Variants in DZANK1 observed in about 807,000 individuals in gnomAD.
DZANK1 encodes double zinc ribbon and ankyrin repeat-containing protein 1.
DZANK1 carries 91 observed loss-of-function variants against 94.5 expected under a neutral mutation model. That is an observed-to-expected ratio of 0.96 (90% CI 0.81 to 1.15). The LOEUF (loss-of-function observed/expected upper bound fraction) is 1.15, where lower values mean the gene tolerates loss of function less well. Among genes scored for constraint, DZANK1 ranks in the 50% most tolerant of loss-of-function variants. The pLI, the probability that DZANK1 is intolerant of heterozygous loss-of-function variation, is 0.00. For synonymous variants in DZANK1, 312 were observed against 325.3 expected, an observed-to-expected ratio of 0.96 and a Z score of 0.44; for missense variants, 903 against 916.4, an observed-to-expected ratio of 0.99 and a Z score of 0.19.
At chr20:18,439,650 C>T (rs55694441) in intron 8 of DZANK1, among the ~76,000 whole-genome samples, 17,088 of 152,184 alleles carry the variant, frequency 0.11, 1,265 homozygotes, top group Non-Finnish European at 0.18. Context: ...GCATCCCCCA[C>T]GATCATATCT....
intron 4 of DZANK1, chr20:18,454,526 A>G (rs1316362017): frequency 6.3e-6 from 1 of 159,128 alleles, no homozygotes; most frequent in Non-Finnish European, 1.4e-5. Flanking sequence ...AACTCCTTGA[A>G]TCTTTCTTAT....
intron 13 of DZANK1, among the ~76,000 whole-genome samples, chr20:18,411,037 A>C (rs1264427064): frequency 6.6e-6 from 1 of 152,234 alleles, no homozygotes; most frequent in East Asian, 1.9e-4. Flanking sequence ...ATAGCAGCAA[A>C]TGTTCACATT....
chr20:18,459,929 C>T (rs925598438), intron 3 of DZANK1, among the ~76,000 whole-genome samples: 3 of 152,140 alleles, frequency 2.0e-5, no homozygotes, highest in Non-Finnish European at 4.4e-5. Context: ...TATTAATATA[C>T]ATAACACTTC....
chr20:18,411,248 T>C (rs747792344), intron 13 of DZANK1, among the ~76,000 whole-genome samples: 179 of 152,150 alleles, frequency 1.2e-3, no homozygotes, highest in Admixed American at 2.1e-3. Context: ...GATAAACCTT[T>C]AGTAAGATTG....
intron 2 of DZANK1, among the ~76,000 whole-genome samples, chr20:18,461,347 T>A (rs1601197066): frequency 6.6e-6 from 1 of 152,046 alleles, no homozygotes; most frequent in East Asian, 1.9e-4. Flanking sequence ...TAAATTTAAA[T>A]TTTTTTAAAA....
exon 21 of DZANK1, chr20:18,384,320 A>G (rs36048101): frequency 0.47 from 675,686 of 1,428,256 alleles, 166,408 homozygotes; most frequent in Non-Finnish European, 0.51. Context: ...CAGCCTCCCA[A>G]AGTGCTGGGA....
chr20:18,405,527 G>A (rs1332199776), intron 13 of DZANK1, among the ~76,000 whole-genome samples: 2 of 151,876 alleles, frequency 1.3e-5, no homozygotes, highest in Non-Finnish European at 2.9e-5. Flanking sequence ...CAGAGAAATG[G>A]GACAGAAAAA....
intron 7 of DZANK1, among the ~76,000 whole-genome samples, chr20:18,444,351 A>G (rs1171806321): frequency 6.6e-6 from 1 of 152,222 alleles, no homozygotes; most frequent in Non-Finnish European, 1.5e-5. Context: ...AAAGCTCATG[A>G]AGTGTAATCT....
intron 10 of DZANK1, among the ~76,000 whole-genome samples, chr20:18,417,626 A>G (rs2057552050): frequency 6.6e-6 from 1 of 152,220 alleles, no homozygotes; most frequent in African/African-American, 2.4e-5. Flanking sequence ...TTTTCTGATG[A>G]AATTCAACAC....
rs559085704 is a variant in DZANK1, at chr20:18,463,477, C to A, written c.109+1773G>T. On this transcript the variant is annotated intron_variant, in intron 2 of 20. Transcript: ENST00000262547. ...AGGTAGGAAACCTGCACATGTACCC[C>A]CAAGCCTAAAATAAAAGTTGTAAAA... 8.0e-5 allele frequency among the ~76,000 whole-genome samples: 12 copies of A among 150,094 alleles called. No homozygotes were observed. In the South Asian group the frequency reaches 2.6e-3, roughly 32 times the overall value.
At chr20:18,410,798 A>C (rs1488190515) in intron 13 of DZANK1, among the ~76,000 whole-genome samples, 1 of 152,166 alleles carries the variant, frequency 6.6e-6, no homozygotes, top group African/African-American at 2.4e-5. Context: ...AAAACGTTTA[A>C]AAATTATCCA....
chr20:18,398,695 G>A lies in DZANK1; in HGVS notation c.1433-69C>T. On this transcript the variant is annotated intron_variant, in intron 13 of 20. Transcript: ENST00000262547. ...GACTAAGAAAGAAAAATGATAGCAT[G>A]GAACATATGTTCTTAGAGAGGTTAA... The A allele has an allele frequency of 2.8e-6, 4 of 1,429,544 alleles. No homozygotes were observed. The South Asian group carries it at 4.6e-5, about 16-fold the overall frequency. 88.6% of individuals were successfully genotyped at this position (1,429,544 alleles called of 1,614,324 possible). A position where few individuals can be genotyped will look rare whatever the true frequency, so the allele number is the denominator to read the frequency against.
At chr20:18,397,038 A>G (rs2056382446) in intron 14 of DZANK1, among the ~76,000 whole-genome samples, 1 of 152,196 alleles carries the variant, frequency 6.6e-6, no homozygotes, top group African/African-American at 2.4e-5. Context: ...CAGATAGTAA[A>G]TATTTTAGGT....
rs959867987 is a variant in DZANK1 at position 18,385,143 on chromosome 20, A to AC, written c.2019-54dup. On this transcript the variant is annotated intron_variant, in intron 19 of 20. Coordinates refer to ENST00000262547, the Ensembl canonical transcript of DZANK1. The stretch of plus-strand genomic sequence containing the variant: ...AATCCTTAGTTAGCATCATCAGGAA[A>AC]CTGGAGAGGATGCATGTGACCCAAG... 1.4e-5 allele frequency: 21 copies of AC among 1,524,318 alleles called. No individual in the cohort carries two copies. In the African/African-American group the frequency reaches 2.2e-4, roughly 16 times the overall value. 94.4% of individuals were successfully genotyped at this position (1,524,318 alleles called of 1,614,324 possible).
intron 2 of DZANK1, 107 bp from the exon 3 acceptor site, chr20:18,460,413 G>T: frequency 1.1e-6 from 1 of 875,020 alleles, no homozygotes; most frequent in Non-Finnish European, 1.6e-6. Flanking sequence ...AAGATTTAAA[G>T]TTGTGATTTA....
chr20:18,389,987 T>C (rs1033544), intron 18 of DZANK1, among the ~76,000 whole-genome samples, 159 bp from the exon 19 acceptor site: 130,595 of 152,132 alleles, frequency 0.86, 56,657 homozygotes, highest in Middle Eastern at 0.91. Context: ...CAAGACCTGA[T>C]CTACGATGAA....
intron 20 of DZANK1, 83 bp downstream of exon 20, chr20:18,384,933 A>T: frequency 7.4e-7 from 1 of 1,353,288 alleles, no homozygotes; most frequent in Non-Finnish European, 1.0e-6. Flanking sequence ...TTCAGGAACC[A>T]AGGCCCCTCT....
At chr20:18,437,366 G>T (rs2058562334) in intron 8 of DZANK1, among the ~76,000 whole-genome samples, 1 of 152,146 alleles carries the variant, frequency 6.6e-6, no homozygotes, top group African/African-American at 2.4e-5. Flanking sequence ...ATCACTTGAG[G>T]TCAGGAGTTC....
chr20:18,464,378 T>TA (rs2059574416), intron 2 of DZANK1, among the ~76,000 whole-genome samples: 1 of 152,186 alleles, frequency 6.6e-6, no homozygotes, highest in Non-Finnish European at 1.5e-5. Context: ...TTTCTGTAGT[T>TA]AGAGTTGAGA....
Sources: allele counts gnomAD v4.1 joint callset (sites outside exome capture counted in the v4.1 genomes callset), GRCh38; gene constraint gnomAD v4.1.1; transcripts MANE v1.5; gene names NCBI Gene and HGNC (gene_info 2026-07-23, HGNC 2026-07-21).